Variants in CDH13 observed in about 807,000 individuals in gnomAD.
The protein encoded by CDH13 is cadherin-13.
Under a neutral mutation model 63.8 loss-of-function variants are expected in CDH13, and 24 were observed. The ratio of observed to expected loss-of-function variants is 0.38; its 90% CI spans 0.27 to 0.53. The LOEUF is 0.53. Among genes scored for constraint, CDH13 ranks in the 20% least tolerant of loss-of-function variants. The pLI is 0.85. For synonymous variants in CDH13, 503 were observed against 355.3 expected (o/e 1.42, Z -4.67); for missense variants, 1,049 against 903.1 (o/e 1.16, Z -2.07).
At chr16:82,912,525 G>A (rs1166260666) in intron 2 of CDH13, among the ~76,000 whole-genome samples, 1 of 152,204 alleles carries the variant, frequency 6.6e-6, no homozygotes, top group South Asian at 2.1e-4. Context: ...GTAAATGAGT[G>A]ATGACTATGA....
chr16:83,258,151 T>C (rs1186535562), intron 5 of CDH13, among the ~76,000 whole-genome samples: 1 of 152,260 alleles, frequency 6.6e-6, no homozygotes, highest in East Asian at 1.9e-4. Flanking sequence ...CAATAACGTA[T>C]ACTAATCACA....
At chr16:83,020,601 G>T (rs1243204806) in intron 2 of CDH13, among the ~76,000 whole-genome samples, 1 of 152,232 alleles carries the variant, frequency 6.6e-6, no homozygotes, top group East Asian at 1.9e-4. Flanking sequence ...TAAGTTGTCT[G>T]TGGTTTGTGA....
chr16:83,752,611 C>T (rs1248478552), intron 11 of CDH13, among the ~76,000 whole-genome samples: 1 of 152,174 alleles, frequency 6.6e-6, no homozygotes, highest in Non-Finnish European at 1.5e-5. Flanking sequence ...TACCTTACAG[C>T]TGTTTCTCAT....
chr16:82,791,098 G>A (rs1303353806), intron 1 of CDH13, among the ~76,000 whole-genome samples: 2 of 152,138 alleles, frequency 1.3e-5, no homozygotes, highest in Non-Finnish European at 2.9e-5. Flanking sequence ...TTAGCTGGGC[G>A]TGGTGGCAGG....
chr16:83,260,446 T>C (rs539340526), intron 5 of CDH13, among the ~76,000 whole-genome samples: 59 of 151,460 alleles, frequency 3.9e-4, no homozygotes, highest in Admixed American at 7.3e-4. Context: ...CACAGTCAGT[T>C]CTGCGTGGCG....
At chr16:83,617,295 A>G (rs1909365140) in intron 8 of CDH13, among the ~76,000 whole-genome samples, 4 of 152,280 alleles carry the variant, frequency 2.6e-5, no homozygotes, top group Admixed American at 2.0e-4. Context: ...CTATCCTTTC[A>G]TTCACTATTA....
rs139329087 is a variant in CDH13 at position 82,729,042 on chromosome 16, C to G, written c.45+101905C>G. 3.2e-3 allele frequency among the ~76,000 whole-genome samples: 482 copies of G among 152,318 alleles called. 2 individuals are homozygous for G. The highest frequency in any genetic ancestry group is 0.011 in the African/African-American group (466 of 41,578). On this transcript the variant is annotated intron_variant, in intron 1 of 13. Transcript: ENST00000567109. ...TCATGAGATTTCAGCAATTCAGTCACATCTTCAGGCTCTATTTCTAATTAT... is the reference window on the plus strand; with the variant it reads ...TCATGAGATTTCAGCAATTCAGTCAGATCTTCAGGCTCTATTTCTAATTAT...
intron 6 of CDH13, among the ~76,000 whole-genome samples, chr16:83,445,014 T>C (rs2072631914): frequency 6.6e-6 from 1 of 152,178 alleles, no homozygotes; most frequent in East Asian, 1.9e-4. Flanking sequence ...GCTGGGATTT[T>C]TTTCAAATGA....
At chr16:82,930,711 A>G (rs569931141) in intron 2 of CDH13, among the ~76,000 whole-genome samples, 33 of 152,292 alleles carry the variant, frequency 2.2e-4, no homozygotes, top group African/African-American at 7.0e-4. Flanking sequence ...AATGATATTA[A>G]ACTAAGCACT....
At chr16:82,870,130 A>G (rs1210359663) in intron 2 of CDH13, among the ~76,000 whole-genome samples, 1 of 152,218 alleles carries the variant, frequency 6.6e-6, no homozygotes, top group Non-Finnish European at 1.5e-5. Flanking sequence ...CTCAATAGAA[A>G]AAAAAATCTC....
intron 6 of CDH13, among the ~76,000 whole-genome samples, chr16:83,432,192 T>A (rs1232353538): frequency 6.6e-6 from 1 of 152,146 alleles, no homozygotes; most frequent in Non-Finnish European, 1.5e-5. Flanking sequence ...GACGTGGGAA[T>A]CTTTTATCCA....
chr16:83,474,417 G>C (rs187654059), intron 6 of CDH13, among the ~76,000 whole-genome samples: 1 of 152,056 alleles, frequency 6.6e-6, no homozygotes, highest in Non-Finnish European at 1.5e-5. Context: ...CACTCTCAAG[G>C]CCCCACACCA....
intron 7 of CDH13, among the ~76,000 whole-genome samples, chr16:83,523,245 A>C (rs1277054710): frequency 6.6e-6 from 1 of 152,166 alleles, no homozygotes; most frequent in East Asian, 1.9e-4. Flanking sequence ...AGCACTTAGC[A>C]TTGTGCCTGT....
chr16:83,374,946 A>C (rs951317761), intron 6 of CDH13, among the ~76,000 whole-genome samples: 1 of 152,222 alleles, frequency 6.6e-6, no homozygotes, highest in Non-Finnish European at 1.5e-5. Context: ...AAAGGGTTTG[A>C]GTCAACTTTT....
chr16:83,374,347 A>T (rs1196900351), intron 6 of CDH13, among the ~76,000 whole-genome samples: 1 of 152,140 alleles, frequency 6.6e-6, no homozygotes, highest in Non-Finnish European at 1.5e-5. Context: ...GCCAAATTCC[A>T]TTGGTTTCTA....
chr16:83,297,064 T>G (rs1400365260), intron 5 of CDH13, among the ~76,000 whole-genome samples: 1 of 152,308 alleles, frequency 6.6e-6, no homozygotes, highest in East Asian at 1.9e-4. Flanking sequence ...GGATCTATTT[T>G]CATTTTAATA....
intron 10 of CDH13, among the ~76,000 whole-genome samples, chr16:83,737,352 A>G (rs2150958565): frequency 6.6e-6 from 1 of 152,374 alleles, no homozygotes; most frequent in East Asian, 1.9e-4. Context: ...TTCCAATAAA[A>G]GAACAGTTTA....
intron 2 of CDH13, among the ~76,000 whole-genome samples, chr16:83,027,799 C>T (rs771313023): frequency 4.6e-5 from 7 of 152,114 alleles, no homozygotes; most frequent in African/African-American, 1.7e-4. Context: ...CTGCTTACAT[C>T]CAGTTCGGTA....
intron 1 of CDH13, among the ~76,000 whole-genome samples, chr16:82,651,106 C>T (rs942426443): frequency 2.0e-5 from 3 of 152,152 alleles, no homozygotes; most frequent in Admixed American, 6.5e-5. Context: ...GTTGTCCCTC[C>T]TGGGATAGAA....
Sources: gnomAD v4.1 joint callset for allele counts (sites outside exome capture counted in the v4.1 genomes callset) on GRCh38, gnomAD v4.1.1 for gene constraint, MANE v1.5 for transcripts, NCBI Gene and HGNC (gene_info 2026-07-23, HGNC 2026-07-21) for gene names.